The following PCDHA5 variants were observed in gnomAD, a reference collection of about 807,000 sequenced individuals.
The protein encoded by PCDHA5 is protocadherin alpha-5.
PCDHA5 carries 43 observed loss-of-function variants against 61.6 expected under a neutral mutation model. The ratio of observed to expected loss-of-function variants is 0.70; its 90% CI spans 0.55 to 0.90. PCDHA5 has a LOEUF of 0.90. Among genes scored for constraint, PCDHA5 ranks in the 40% least tolerant of loss-of-function variants. The pLI is 0.00. For missense variants in PCDHA5, 1,298 were observed against 1,222.7 expected (o/e 1.06, Z -0.92); for synonymous variants, 627 against 543.9 (o/e 1.15, Z -2.13).
In PCDHA5 at chr5:140,927,058, C is replaced by G. The variant is rs376173105; in HGVS notation, c.2353-51891C>G. ...GGCCGCTATGTCCTCGCGGAACTTT[C>G]GCTTCCTTTCCAGCCACCGCGAGCT... On this transcript the variant is annotated intron_variant, in intron 1 of 3. Coordinates refer to ENST00000529859, the MANE Select transcript of PCDHA5 (RefSeq NM_018908.3). 17 of 1,611,136 alleles carry G rather than the reference C, an allele frequency of 1.1e-5. No homozygotes were observed. The South Asian group carries it at 1.2e-4, about 11-fold the overall frequency.
chr5:140,863,217 G>A (rs932359746), intron 1 of PCDHA5: 13 of 1,095,768 alleles, frequency 1.2e-5, no homozygotes, highest in Non-Finnish European at 1.6e-5. Flanking sequence ...GCAGCCAAGC[G>A]AGGAAGGTCC....
chr5:140,927,317 G>T (rs782172424), intron 1 of PCDHA5: 3 of 1,614,146 alleles, frequency 1.9e-6, no homozygotes, highest in Admixed American at 1.7e-5. Flanking sequence ...CCCGGAGCCC[G>T]CTTTACTCTC....
chr5:140,883,091 G>A lies in PCDHA5; in HGVS notation c.2352+58964G>A, dbSNP rs782433695. The A allele has an allele frequency of 1.9e-6, 3 of 1,613,994 alleles. No individual in the cohort carries two copies. In the African/African-American group the frequency reaches 4.0e-5, roughly 22 times the overall value. ...CACAGATCCTGATGATGGTACAAAT[G>A]GAGATATAGTTTACTCATTTAGAAG... On this transcript the variant is annotated intron_variant, in intron 1 of 3. Coordinates refer to ENST00000529859, the MANE Select transcript of PCDHA5 (RefSeq NM_018908.3).
At chr5:140,935,894 CTT>C (rs55841305) in intron 1 of PCDHA5, among the ~76,000 whole-genome samples, 8 of 136,706 alleles carry the variant, frequency 5.9e-5, no homozygotes, top group Non-Finnish European at 3.1e-5. Context: ...TCAATATTAT[CTT>C]TTTTTTTTTT....
chr5:140,870,566 T>C (rs1554164425), intron 1 of PCDHA5: 7 of 1,613,980 alleles, frequency 4.3e-6, no homozygotes, highest in Admixed American at 3.3e-5. Flanking sequence ...GAGAACGCGC[T>C]GGTGTCCTAC....
chr5:140,876,481 C>T (rs1442284424), intron 1 of PCDHA5: 9 of 1,613,878 alleles, frequency 5.6e-6, no homozygotes, highest in Admixed American at 1.7e-5. Flanking sequence ...CAGCATGGTC[C>T]TGGTGGAAGT....
chr5:140,823,382 C>T lies in PCDHA5; in HGVS notation c.1607C>T (p.Ala536Val). The T allele has an allele frequency of 1.2e-6, 2 of 1,612,792 alleles. No homozygotes were observed. The highest frequency in any genetic ancestry group is 1.7e-6 in the Non-Finnish European group (2 of 1,179,796). ...EVELLQFQVS[A>V]RDAGVPPLGS... is the part of the protein sequence containing the mutation. Reference sequence around the variant, plus strand: ...GAGCTGCTGCAGTTCCAGGTGAGCGCGCGCGACGCGGGCGTGCCGCCTCTG... The same window carrying T: ...GAGCTGCTGCAGTTCCAGGTGAGCGTGCGCGACGCGGGCGTGCCGCCTCTG... The change falls in exon 1 of 4, where the codon GCG becomes GTG. Residue 536 changes from alanine (A) to valine (V), a missense_variant. Ala to Val is a moderately conservative substitution (Grantham distance 64, BLOSUM62 0). Coordinates refer to ENST00000529859, the MANE Select transcript of PCDHA5 (RefSeq NM_018908.3).
intron 1 of PCDHA5, chr5:140,882,281 T>C (rs1554173360): frequency 6.2e-7 from 1 of 1,612,634 alleles, no homozygotes; most frequent in African/African-American, 1.3e-5. Context: ...GCTGTCTTCC[T>C]GGCAAGGAGG....
Position 140,823,838 on chromosome 5 carries a change from C to T in PCDHA5, c.2063C>T (p.Pro688Leu), listed in dbSNP as rs1767894388. Residue 688 changes from proline (P) to leucine (L), a missense_variant, in exon 1 of 4, where the codon CCC (proline) becomes CTC (leucine). Coordinates refer to ENST00000529859, the MANE Select transcript of PCDHA5 (RefSeq NM_018908.3). ...SSRASAGAVG[P>L]EAALVDVNVY... ...CGGGCGTCGGCGGGCGCTGTGGGTC[C>T]CGAGGCTGCCCTGGTGGATGTCAAC... 2 of 1,613,824 alleles carry T rather than the reference C, an allele frequency of 1.2e-6. No individual in the cohort carries two copies. The highest frequency in any genetic ancestry group is 1.7e-4 in the Middle Eastern group (1 of 6,044).
chr5:140,862,039 C>A (rs1554155581), intron 1 of PCDHA5: 1 of 155,382 alleles, frequency 6.4e-6, no homozygotes, highest in African/African-American at 2.4e-5. Context: ...GGGTTCAAAC[C>A]GTCACATTGT....
chr5:140,823,777 C>G lies in PCDHA5; in HGVS notation c.2002C>G (p.Leu668Val). The G allele has an allele frequency of 6.2e-7, 1 of 1,613,860 alleles. No individual in the cohort carries two copies. Among genetic ancestry groups the G allele is most frequent in the African/African-American group, 1.3e-5 (1 of 75,048 alleles). The change falls in exon 1 of 4, where the codon CTG becomes GTG. Residue 668 changes from leucine (L) to valine (V), a missense_variant. Physicochemically the swap from Leu to Val is conservative, Grantham distance 32. Coordinates refer to ENST00000529859, the MANE Select transcript of PCDHA5 (RefSeq NM_018908.3). ...AGCCACAGCCACAGTGCTGGTGTCG[C>G]TGGTGGAAAGTGGCCAGGCGCCGAA... is the stretch of plus-strand genomic sequence containing the variant. ...LTATATVLVS[L>V]VESGQAPKAS...
At chr5:140,853,696 TAACGC>T (rs1477764717) in intron 1 of PCDHA5, 1 of 988,156 alleles carries the variant, frequency 1.0e-6, no homozygotes, top group African/African-American at 1.8e-5. Flanking sequence ...TTAGACCTGC[TAACGC>T]ATTAGCATTA....
chr5:140,857,681 G>C lies in PCDHA5; in HGVS notation c.2352+33554G>C, dbSNP rs2044790199. 3 of 1,596,838 alleles carry C rather than the reference G, an allele frequency of 1.9e-6. No individual in the cohort carries two copies. In the African/African-American group the frequency reaches 4.0e-5, roughly 22 times the overall value. The stretch of plus-strand genomic sequence containing the variant: ...GCGCGATGGGGGCGTGCCGCCTCTG[G>C]GCAGCAACTTGACGCTGCAGGTGTT... On this transcript the variant is annotated intron_variant, in intron 1 of 3. Transcript: ENST00000529859.
Position 140,828,319 on chromosome 5 carries a change from G to A in PCDHA5, c.2352+4192G>A, listed in dbSNP as rs2150153971. The A allele has an allele frequency of 4.5e-5, 73 of 1,614,234 alleles. No individual in the cohort carries two copies. In the East Asian group the frequency reaches 1.0e-3, roughly 23 times the overall value. On this transcript the variant is annotated intron_variant, in intron 1 of 3. Coordinates refer to ENST00000529859, the MANE Select transcript of PCDHA5 (RefSeq NM_018908.3). The stretch of plus-strand genomic sequence containing the variant: ...CCAAAGACCGCGAGGACCTTCTGGA[G>A]GTAAATCTGCAGAATGGCATTTTGT...
At chr5:140,858,318 G>T in intron 1 of PCDHA5, 1 of 1,597,070 alleles carries the variant, frequency 6.3e-7, no homozygotes, top group Non-Finnish European at 8.6e-7. Context: ...CAGAGGGTGT[G>T]TTCTGGGGAG....
At chr5:140,966,659 G>C in intron 1 of PCDHA5, 5 of 1,217,658 alleles carry the variant, frequency 4.1e-6, no homozygotes, top group Non-Finnish European at 5.3e-6. Context: ...AGCGGTGGGG[G>C]AGCAGGCGCA....
At chr5:140,905,766 A>G (rs782122019) in intron 1 of PCDHA5, among the ~76,000 whole-genome samples, 15 of 152,144 alleles carry the variant, frequency 9.9e-5, no homozygotes, top group African/African-American at 2.7e-4. Flanking sequence ...GGTTAAGTAT[A>G]TTCCGAAGTG....
intron 1 of PCDHA5, chr5:140,866,098 T>C (rs555628749): frequency 6.6e-6 from 1 of 152,318 alleles, no homozygotes; most frequent in African/African-American, 2.4e-5. Context: ...AATTGTTAAG[T>C]AATTAAGAGT....
At chr5:140,954,356 CCA>C (rs1251664193) in intron 1 of PCDHA5, among the ~76,000 whole-genome samples, 1 of 152,152 alleles carries the variant, frequency 6.6e-6, no homozygotes, top group Non-Finnish European at 1.5e-5. Flanking sequence ...TGAGGAATCG[CCA>C]CACAGTCTCC....
Sources: gnomAD v4.1 joint callset for allele counts (sites outside exome capture counted in the v4.1 genomes callset) on GRCh38, gnomAD v4.1.1 for gene constraint, MANE v1.5 for transcripts, NCBI Gene and HGNC (gene_info 2026-07-23, HGNC 2026-07-21) for gene names.